The following TNS1 variants were observed in gnomAD, a reference collection of about 807,000 sequenced individuals.
TNS1 encodes tensin-1.
Under a neutral mutation model 168.6 loss-of-function variants are expected in TNS1, and 62 were observed. The ratio of observed to expected loss-of-function variants is 0.37; its 90% CI spans 0.30 to 0.45. The LOEUF is 0.45. TNS1 is among the 20% of genes least tolerant of loss of function. The pLI is 1.00. For missense variants in TNS1, 2,240 were observed against 2,339.4 expected (o/e 0.96, Z 0.88); for synonymous variants, 934 against 933.2 (o/e 1.00, Z -0.02).
intron 3 of TNS1, among the ~76,000 whole-genome samples, chr2:217,962,371 A>T (rs1957521335): frequency 6.6e-6 from 1 of 152,204 alleles, no homozygotes. Context: ...TGAACCCAGG[A>T]GGCGGAGGTT....
intron 3 of TNS1, among the ~76,000 whole-genome samples, chr2:217,939,833 G>C (rs116275979): frequency 1.8e-4 from 27 of 152,328 alleles, no homozygotes; most frequent in African/African-American, 5.8e-4. Flanking sequence ...ATGGGCTCCA[G>C]CTCCACAGAG....
chr2:217,925,063 C>T (rs1268797529), intron 3 of TNS1, among the ~76,000 whole-genome samples: 3 of 152,140 alleles, frequency 2.0e-5, no homozygotes, highest in Admixed American at 6.5e-5. Context: ...ATCGTTATAC[C>T]AGTGTGACTA....
intron 3 of TNS1, among the ~76,000 whole-genome samples, chr2:217,976,766 A>G (rs896277873): frequency 7.2e-5 from 11 of 152,298 alleles, no homozygotes; most frequent in African/African-American, 1.9e-4. Flanking sequence ...ATCTCCCCCA[A>G]TCAGACCCTT....
chr2:217,804,493 G>C lies in TNS1; in HGVS notation c.5486C>G (p.Ser1829Cys), dbSNP rs1486620747. Residue 1829 changes from serine to cysteine, a missense_variant, in exon 33 of 33, where the codon TCC (serine) becomes TGC (cysteine). By Grantham distance (112) the Ser-to-Cys change is moderately radical (BLOSUM62 -1). Transcript: ENST00000682258. ...TTGGCCGGCATTCAGCATGACCTTG[G>C]AGACGAAGTTGACGATGGCAGAGGC... is the stretch of plus-strand genomic sequence containing the variant. ...QPASAIVNFV[S>C]KVMLNAGQKR 2 of 1,614,026 alleles carry C rather than the reference G, an allele frequency of 1.2e-6. No individual in the cohort carries two copies. The highest frequency in any genetic ancestry group is 3.3e-5 in the Admixed American group (2 of 60,004).
intron 16 of TNS1, among the ~76,000 whole-genome samples, chr2:217,884,204 T>C (rs965046232): frequency 1.3e-5 from 2 of 151,680 alleles, no homozygotes; most frequent in African/African-American, 4.9e-5. Context: ...GATGAATGAA[T>C]ATGTGGATGG....
chr2:217,997,177 C>G (rs1958485799), intron 1 of TNS1, among the ~76,000 whole-genome samples: 1 of 152,172 alleles, frequency 6.6e-6, no homozygotes, highest in Non-Finnish European at 1.5e-5. Flanking sequence ...TACCCGCTGT[C>G]TCCTCATTTT....
chr2:217,953,372 A>G (rs1957287398), intron 3 of TNS1, among the ~76,000 whole-genome samples: 1 of 152,246 alleles, frequency 6.6e-6, no homozygotes, highest in Admixed American at 6.5e-5. Flanking sequence ...GCCTTGGCTC[A>G]AGCAATCTAC....
intron 24 of TNS1, chr2:217,815,233 C>G (rs1229623463): frequency 1.2e-5 from 6 of 514,702 alleles, no homozygotes; most frequent in African/African-American, 3.8e-5. Context: ...CAGGGGAGAG[C>G]ACCATGGAAG....
At chr2:217,879,760 AG>A (rs1950521091) in intron 18 of TNS1, among the ~76,000 whole-genome samples, 1 of 152,174 alleles carries the variant, frequency 6.6e-6, no homozygotes, top group Non-Finnish European at 1.5e-5. Flanking sequence ...AACCTTGGGG[AG>A]GGAGACAGAA....
intron 22 of TNS1, chr2:217,830,055 G>A (rs996106499): frequency 4.4e-6 from 4 of 917,208 alleles, no homozygotes; most frequent in Non-Finnish European, 5.2e-6. Context: ...GGTGAGGCCA[G>A]GGCCGATTTG....
chr2:217,937,091 T>TATGTTACCCAGGATGG, intron 3 of TNS1: 9 of 450,288 alleles, frequency 2.0e-5, no homozygotes, highest in South Asian at 1.4e-4. Flanking sequence ...ATGGTACCTC[T>TATGTTACCCAGGATGG]TCTCCAAAGC....
intron 3 of TNS1, among the ~76,000 whole-genome samples, chr2:217,967,377 G>C (rs1957674530): frequency 6.6e-6 from 1 of 152,006 alleles, no homozygotes; most frequent in South Asian, 2.1e-4. Flanking sequence ...ATAAGCAAAA[G>C]TAAGGAAAAG....
chr2:217,948,047 C>T lies in TNS1; in HGVS notation c.187-27811G>A, dbSNP rs1957155428. ...TTCAATGCAGCTCTTCCAACTCAAG[C>T]CCATGTCACCAGGTAACACAACTAG... On this transcript the variant is annotated intron_variant, in intron 3 of 32. Coordinates refer to ENST00000682258, the MANE Select transcript of TNS1 (RefSeq NM_001387777.1). The surrounding 1 kb of genome is among the most constrained non-coding windows in gnomAD (Gnocchi z 4.1). Among the ~76,000 whole-genome samples the T allele has an allele frequency of 6.6e-6, 1 of 152,146 alleles. No individual in the cohort carries two copies. The highest frequency in any genetic ancestry group is 6.5e-5 in the Admixed American group (1 of 15,284).
intron 22 of TNS1, among the ~76,000 whole-genome samples, chr2:217,822,286 C>T (rs1183521115): frequency 6.6e-6 from 1 of 152,196 alleles, no homozygotes; most frequent in Non-Finnish European, 1.5e-5. Flanking sequence ...CCAGGCCCTT[C>T]CAGGTTCTCC....
intron 1 of TNS1, among the ~76,000 whole-genome samples, chr2:217,999,590 C>A (rs1404838254): frequency 6.6e-6 from 1 of 152,200 alleles, no homozygotes; most frequent in Non-Finnish European, 1.5e-5. Context: ...TTATTTCAGA[C>A]CCTGGTGATT....
chr2:217,814,000 G>T lies in TNS1; in HGVS notation c.4730-184C>A. 1 of 604,340 alleles carries T rather than the reference G, an allele frequency of 1.7e-6. No individual in the cohort carries two copies. The highest frequency in any genetic ancestry group is 2.5e-6 in the Non-Finnish European group (1 of 399,150). 37.4% of individuals were successfully genotyped at this position (604,340 alleles called of 1,614,324 possible). On this transcript the variant is annotated intron_variant, in intron 25 of 32. Transcript: ENST00000682258. This position sits in a 1 kb window ranked among gnomAD's most constrained non-coding sequence, Gnocchi z 4.0. ...CAGGTTGGCAAACTTATTCTGTTGG[G>T]TTTTTATGTTTGTTTTTGTGAGACC...
chr2:217,938,863 C>G (rs1258625936), intron 3 of TNS1, among the ~76,000 whole-genome samples: 5 of 152,172 alleles, frequency 3.3e-5, no homozygotes, highest in Non-Finnish European at 7.4e-5. Flanking sequence ...TCCCTGTCTG[C>G]CCTCTAATTG....
intron 25 of TNS1, among the ~76,000 whole-genome samples, chr2:217,814,559 TC>T (rs761080087): frequency 2.4e-4 from 37 of 152,162 alleles, no homozygotes; most frequent in Non-Finnish European, 1.5e-5. Context: ...TGAGAATCAT[TC>T]CCCTATTCCC....
In TNS1 at chr2:217,847,785, G is replaced by A. The variant is rs1449513903; in HGVS notation, c.2732C>T (p.Ser911Phe). The part of the protein sequence containing the change: ...PEPAPRASLE[S>F]VPPGRSYSPY... ...TGAGTAAGACCTGCCAGGAGGGACA[G>A]ACTCCAGAGAGGCCCGTGGGGCTGG... Residue 911 changes from serine to phenylalanine, a missense_variant, in exon 19 of 33, where the codon TCT becomes TTT. By Grantham distance (155) the Ser-to-Phe change is radical. Around this residue, in one of 2 missense-constraint regions of TNS1, gnomAD observed 2,131 missense variants for 2,171.2 expected, o/e 0.98. Coordinates refer to ENST00000682258, the MANE Select transcript of TNS1 (RefSeq NM_001387777.1). 1 of 1,606,612 alleles carries A rather than the reference G, an allele frequency of 6.2e-7. No individual in the cohort carries two copies. The highest frequency in any genetic ancestry group is 1.7e-5 in the Admixed American group (1 of 59,882).
Sources: allele counts gnomAD v4.1 joint callset (sites outside exome capture counted in the v4.1 genomes callset), GRCh38; gene constraint gnomAD v4.1.1; regional missense constraint gnomAD v4.1.1; non-coding constraint Gnocchi (gnomAD v3.1); transcripts MANE v1.5; gene names NCBI Gene and HGNC (gene_info 2026-07-23, HGNC 2026-07-21).